KNTC1: variants seen among roughly 807,000 people sequenced by gnomAD.
KNTC1 encodes the protein kinetochore-associated protein 1.
A neutral mutation model predicts 314.4 loss-of-function variants in KNTC1; 253 were observed. The observed-to-expected ratio is 0.80, with a 90% confidence interval of 0.73 to 0.89. KNTC1 has a LOEUF of 0.89. KNTC1 is among the 40% of genes least tolerant of loss of function. KNTC1 has a pLI of 0.00. For synonymous variants in KNTC1, 901 were observed against 901.4 expected, an observed-to-expected ratio of 1.00 and a Z score of 0.01; for missense variants, 2,475 against 2,572.9, an observed-to-expected ratio of 0.96 and a Z score of 0.82.
At chr12:122,570,271 C>T (rs1964602279) in intron 22 of KNTC1, among the ~76,000 whole-genome samples, 3 of 152,056 alleles carry the variant, frequency 2.0e-5, no homozygotes, top group Admixed American at 2.0e-4. Context: ...GTAATCCCAT[C>T]ACTTTGGGAG....
At chr12:122,625,028 A>G (rs1367421361) in intron 63 of KNTC1, among the ~76,000 whole-genome samples, 1 of 152,162 alleles carries the variant, frequency 6.6e-6, no homozygotes, top group Admixed American at 6.6e-5. Context: ...AAAGGTGTTG[A>G]TTATTGTCAT....
chr12:122,580,042 C>T (rs1300603612), intron 32 of KNTC1, 65 bp downstream of exon 32: 28 of 1,067,168 alleles, frequency 2.6e-5, no homozygotes, highest in Non-Finnish European at 3.7e-5. Flanking sequence ...CAGAAAGAGG[C>T]ATCGAAGACA....
At chr12:122,572,847 A>T in intron 24 of KNTC1, 90 bp from the exon 25 acceptor site, 1 of 1,076,786 alleles carries the variant, frequency 9.3e-7, no homozygotes, top group Non-Finnish European at 1.3e-6. Context: ...AACCAGGGTT[A>T]ATTCTTATTT....
At chr12:122,554,075 A>AT (rs1555224798) in intron 16 of KNTC1, among the ~76,000 whole-genome samples, 24,744 of 105,512 alleles carry the variant, frequency 0.23, 2,653 homozygotes, top group Middle Eastern at 0.39. Context: ...AAAAAAAAAA[A>AT]AATATATATA....
rs1818011367 is a variant in KNTC1 at position 122,569,931 on chromosome 12, C to T, written c.1860+107C>T. 3.2e-6 allele frequency: 3 copies of T among 928,172 alleles called. No individual in the cohort carries two copies. The Admixed American group carries it at 7.5e-5, about 23-fold the overall frequency. 57.5% of individuals were successfully genotyped at this position (928,172 alleles called of 1,614,324 possible). ...CACCAGTTAACACCAGTTAGTTAAG[C>T]TAACACCTGTGTTAATTAAAGTGTC... On this transcript the variant is annotated intron_variant, in intron 22 of 63. Transcript: ENST00000333479.
intron 9 of KNTC1, 42 bp from the exon 10 acceptor site, chr12:122,546,580 A>G: frequency 7.9e-7 from 1 of 1,273,872 alleles, no homozygotes; most frequent in Non-Finnish European, 1.1e-6. Context: ...TATATGAAAT[A>G]TTGAAATAAA....
chr12:122,560,308 A>C (rs1963891072), intron 18 of KNTC1, among the ~76,000 whole-genome samples: 1 of 152,062 alleles, frequency 6.6e-6, no homozygotes, highest in Admixed American at 6.6e-5. Flanking sequence ...ACAGATGTCT[A>C]TTTGAGTCCC....
chr12:122,608,774 G>A (rs1053909548), intron 51 of KNTC1, among the ~76,000 whole-genome samples: 39 of 152,002 alleles, frequency 2.6e-4, no homozygotes, highest in Non-Finnish European at 4.9e-4. Flanking sequence ...TATCTAATAC[G>A]GGGCTGGGCA....
chr12:122,544,109 G>A lies in KNTC1; in HGVS notation c.559-50G>A. The A allele has an allele frequency of 4.0e-6, 3 of 757,930 alleles. No individual in the cohort carries two copies. The Admixed American group carries it at 8.3e-5, about 21-fold the overall frequency. 47.0% of individuals were successfully genotyped at this position (757,930 alleles called of 1,614,324 possible). ...ATCAACTGATTTTAGTGATTTTATG[G>A]AGCATAAATATGTATTATATATATG... is the stretch of plus-strand genomic sequence containing the variant. On this transcript the variant is annotated intron_variant, in intron 7 of 63. Transcript: ENST00000333479.
intron 31 of KNTC1, 118 bp downstream of exon 31, chr12:122,577,909 C>A: frequency 1.1e-6 from 1 of 891,882 alleles, no homozygotes; most frequent in Non-Finnish European, 1.5e-6. Flanking sequence ...CTAGGGTGGC[C>A]TAGTGAAAAA....
At chr12:122,616,628 G>A (rs1318840575) in intron 57 of KNTC1, among the ~76,000 whole-genome samples, 1 of 152,042 alleles carries the variant, frequency 6.6e-6, no homozygotes, top group African/African-American at 2.4e-5. Flanking sequence ...ATGCATTTTT[G>A]CACACATAAA....
At chr12:122,560,194 C>CT (rs1370184777) in intron 18 of KNTC1, among the ~76,000 whole-genome samples, 1 of 152,080 alleles carries the variant, frequency 6.6e-6, no homozygotes, top group African/African-American at 2.4e-5. Flanking sequence ...GAATTTCTTT[C>CT]TTTTTTGTTT....
intron 63 of KNTC1, among the ~76,000 whole-genome samples, chr12:122,625,975 G>C (rs745511341): frequency 6.6e-6 from 1 of 152,154 alleles, no homozygotes; most frequent in African/African-American, 2.4e-5. Flanking sequence ...TTACCTCCAG[G>C]TGGTTGTGCT....
chr12:122,539,685 C>G lies in KNTC1; in HGVS notation c.376C>G (p.Gln126Glu). ...KQTLLTNAFV[Q>E]KANDENRRTY... is the part of the protein sequence containing the mutation. ...ATTAATTTGCATTTAGGCATTTGTT[C>G]AGAAAGCTAACGATGAAAATCGGCG... is the stretch of plus-strand genomic sequence containing the variant. Residue 126 changes from glutamine (Q) to glutamate (E), a missense_variant, in exon 5 of 64, where the codon CAG becomes GAG. By Grantham distance (29) the Gln-to-Glu change is conservative. Transcript: ENST00000333479. The G allele has an allele frequency of 1.3e-6, 2 of 1,565,790 alleles. No homozygotes were observed. The highest frequency in any genetic ancestry group is 1.7e-6 in the Non-Finnish European group (2 of 1,154,088).
At chr12:122,547,599 C>A in intron 11 of KNTC1, 69 bp downstream of exon 11, 1 of 989,784 alleles carries the variant, frequency 1.0e-6, no homozygotes, top group South Asian at 1.4e-5. Context: ...TGGTTTTGTT[C>A]AGGTCATTTA....
At chr12:122,621,120 T>C (rs1474484168) in intron 60 of KNTC1, among the ~76,000 whole-genome samples, 1 of 152,126 alleles carries the variant, frequency 6.6e-6, no homozygotes, top group African/African-American at 2.4e-5. Flanking sequence ...AGCAATTGAA[T>C]GTGGGAGATA....
chr12:122,581,242 A>C (rs1965407508), intron 33 of KNTC1, among the ~76,000 whole-genome samples: 1 of 141,446 alleles, frequency 7.1e-6, no homozygotes, highest in Non-Finnish European at 1.5e-5. Context: ...CTTGTTGCCC[A>C]GGCTGGAGTG....
chr12:122,537,618 A>G (rs1961946951), intron 3 of KNTC1, among the ~76,000 whole-genome samples: 1 of 151,804 alleles, frequency 6.6e-6, no homozygotes, highest in Admixed American at 6.6e-5. Flanking sequence ...GAGTTTCACC[A>G]TGTTGGCCAG....
rs555159742 is a variant in KNTC1, at chr12:122,599,009, A to G, written c.4563+1071A>G. Among the ~76,000 whole-genome samples the G allele has an allele frequency of 1.4e-3, 206 of 151,914 alleles. 1 individual carries two copies. Among genetic ancestry groups the G allele is most frequent in the Non-Finnish European group, 1.8e-3 (123 of 67,892 alleles). On this transcript the variant is annotated intron_variant, in intron 44 of 63. Coordinates refer to ENST00000333479, the MANE Select transcript of KNTC1 (RefSeq NM_014708.6). ...AATTTTTAAAATTTTTTAAATTAAAAAAAAAATTTTTTTGTGCAGATGAAT... is the reference window on the plus strand; with the variant it reads ...AATTTTTAAAATTTTTTAAATTAAAGAAAAAATTTTTTTGTGCAGATGAAT...
Sources: allele counts gnomAD v4.1 joint callset (sites outside exome capture counted in the v4.1 genomes callset), GRCh38; gene constraint gnomAD v4.1.1; transcripts MANE v1.5; gene names NCBI Gene and HGNC (gene_info 2026-07-23, HGNC 2026-07-21).